The following ASTN2 variants were observed in gnomAD, a reference collection of about 807,000 sequenced individuals.
ASTN2 encodes astrotactin-2.
Under a neutral mutation model 139.8 loss-of-function variants are expected in ASTN2, and 54 were observed. The observed-to-expected ratio is 0.39, with a 90% CI of 0.31 to 0.48. ASTN2 has a LOEUF of 0.48. ASTN2 is among the 20% of genes least tolerant of loss of function. The probability of loss-of-function intolerance (pLI) is 0.95; values close to 1 mark genes in which losing one functional copy is unlikely to be tolerated. For missense variants in ASTN2, 1,565 were observed against 1,725.1 expected, an observed-to-expected ratio of 0.91 and a Z score of 1.64; for synonymous variants, 756 against 719.5, an observed-to-expected ratio of 1.05 and a Z score of -0.81.
At chr9:116,925,821 A>G (rs1198716350) in intron 10 of ASTN2, among the ~76,000 whole-genome samples, 2 of 151,510 alleles carry the variant, frequency 1.3e-5, no homozygotes, top group Non-Finnish European at 2.9e-5. Context: ...TCCCTGAACT[A>G]TCCCTGTCCT....
chr9:117,047,350 C>T (rs900627680), intron 5 of ASTN2, among the ~76,000 whole-genome samples: 1 of 152,004 alleles, frequency 6.6e-6, no homozygotes, highest in East Asian at 1.9e-4. Flanking sequence ...CCTTGTCTCT[C>T]CCCATTTCTC....
intron 16 of ASTN2, among the ~76,000 whole-genome samples, chr9:116,685,153 C>G (rs1352054401): frequency 6.6e-6 from 1 of 152,164 alleles, no homozygotes; most frequent in Non-Finnish European, 1.5e-5. Flanking sequence ...GCAGACCCTG[C>G]ACTTGATGGA....
chr9:116,948,698 AGTGTGTGT>A (rs112233837), intron 10 of ASTN2, among the ~76,000 whole-genome samples: 13 of 135,346 alleles, frequency 9.6e-5, no homozygotes, highest in Admixed American at 2.3e-4. Context: ...TATATGTGTG[AGTGTGTGT>A]GTGTGTGTGT....
Position 117,272,179 on chromosome 9 carries a change from C to T in ASTN2, c.630+19147G>A, listed in dbSNP as rs371977424. On this transcript the variant is annotated intron_variant, in intron 2 of 22. Coordinates refer to ENST00000313400, the MANE Select transcript of ASTN2 (RefSeq NM_001365068.1). ...CAAACCTCAATTCTTGCCTTCTGTG[C>T]ACCTGCAGGCTAAACACCATGTGGA... Among the ~76,000 whole-genome samples the T allele has an allele frequency of 4.6e-5, 7 of 152,346 alleles. No homozygotes were observed. The South Asian group carries it at 8.3e-4, about 18-fold the overall frequency.
intron 1 of ASTN2, among the ~76,000 whole-genome samples, chr9:117,395,413 G>T (rs113623824): frequency 2.0e-5 from 3 of 152,148 alleles, no homozygotes; most frequent in African/African-American, 7.2e-5. Flanking sequence ...TTTATGGGGC[G>T]AGACATCCCC....
chr9:116,795,036 GTGCAATCTCGGCTTAC>G (rs1830655354), intron 13 of ASTN2, among the ~76,000 whole-genome samples: 2 of 152,318 alleles, frequency 1.3e-5, no homozygotes, highest in South Asian at 4.1e-4. Context: ...GAGTGCAATG[GTGCAATCTCGGCTTAC>G]TGCAATCTCC....
At chr9:116,661,199 T>A (rs1434831674) in intron 16 of ASTN2, among the ~76,000 whole-genome samples, 3 of 151,398 alleles carry the variant, frequency 2.0e-5, no homozygotes, top group African/African-American at 7.4e-5. Context: ...AGGCAGGTTG[T>A]GGCCAGTAAC....
intron 1 of ASTN2, among the ~76,000 whole-genome samples, chr9:117,330,354 A>C (rs1828663701): frequency 6.6e-6 from 1 of 152,236 alleles, no homozygotes; most frequent in Non-Finnish European, 1.5e-5. Flanking sequence ...GATGAGTGGA[A>C]AAACAGAGCA....
chr9:117,110,204 C>A (rs1373944476), intron 4 of ASTN2, among the ~76,000 whole-genome samples: 1 of 152,102 alleles, frequency 6.6e-6, no homozygotes, highest in Non-Finnish European at 1.5e-5. Flanking sequence ...TAAATTGCTG[C>A]AAGCAGTGCA....
intron 2 of ASTN2, among the ~76,000 whole-genome samples, chr9:117,273,474 G>A (rs1834113011): frequency 6.6e-6 from 1 of 152,182 alleles, no homozygotes; most frequent in African/African-American, 2.4e-5. Flanking sequence ...GAGTGCTGTA[G>A]AGATTAGATA....
chr9:117,047,134 C>T (rs113818747), intron 5 of ASTN2, among the ~76,000 whole-genome samples: 2 of 152,294 alleles, frequency 1.3e-5, no homozygotes, highest in African/African-American at 2.4e-5. Flanking sequence ...TTTCTGGAAA[C>T]TGAAATTGGG....
intron 2 of ASTN2, among the ~76,000 whole-genome samples, chr9:117,244,001 G>T (rs1456651946): frequency 6.6e-6 from 1 of 152,034 alleles, no homozygotes; most frequent in African/African-American, 2.4e-5. Context: ...TGGGGGCAGT[G>T]TCCCCCACTC....
intron 21 of ASTN2, among the ~76,000 whole-genome samples, chr9:116,441,552 T>C (rs1206058330): frequency 6.6e-6 from 1 of 152,086 alleles, no homozygotes; most frequent in Admixed American, 6.5e-5. Flanking sequence ...TTTAAAATAA[T>C]ATTTTTAAAA....
chr9:117,180,589 T>C, intron 3 of ASTN2: 1 of 906,098 alleles, frequency 1.1e-6, no homozygotes. Context: ...CTGCTTACTA[T>C]GCACCGAGCA....
chr9:116,427,079 A>C (rs573222090), intron 22 of ASTN2, among the ~76,000 whole-genome samples: 71 of 152,290 alleles, frequency 4.7e-4, no homozygotes, highest in African/African-American at 1.6e-3. Flanking sequence ...AGATAAATAA[A>C]GCCAGGAAGG....
At chr9:117,004,943 C>T (rs1363381636) in intron 7 of ASTN2, among the ~76,000 whole-genome samples, 1 of 152,048 alleles carries the variant, frequency 6.6e-6, no homozygotes, top group Non-Finnish European at 1.5e-5. Flanking sequence ...GAATAAGATA[C>T]TACCCATTTA....
chr9:117,407,652 A>G (rs562745211), intron 1 of ASTN2, among the ~76,000 whole-genome samples: 1 of 152,334 alleles, frequency 6.6e-6, no homozygotes, highest in African/African-American at 2.4e-5. Flanking sequence ...TCCATTCAAA[A>G]GGGAGTTCTT....
chr9:116,731,266 C>T (rs1483371992), intron 14 of ASTN2, among the ~76,000 whole-genome samples: 1 of 151,248 alleles, frequency 6.6e-6, no homozygotes, highest in Non-Finnish European at 1.5e-5. Context: ...TAGGAAATCT[C>T]CAAGGATCCT....
chr9:117,283,837 T>G (rs1390545485), intron 2 of ASTN2, among the ~76,000 whole-genome samples: 1 of 152,194 alleles, frequency 6.6e-6, no homozygotes, highest in Non-Finnish European at 1.5e-5. Flanking sequence ...ATAAATAACA[T>G]GGTGGCAGTA....
Sources: gnomAD v4.1 joint callset for allele counts (sites outside exome capture counted in the v4.1 genomes callset) on GRCh38, gnomAD v4.1.1 for gene constraint, MANE v1.5 for transcripts, NCBI Gene and HGNC (gene_info 2026-07-23, HGNC 2026-07-21) for gene names.